The following EPB41L2 variants were observed in gnomAD, a reference collection of about 807,000 sequenced individuals.
The protein encoded by EPB41L2 is erythrocyte membrane protein band 4.1 like 2.
Under a neutral mutation model 113.0 loss-of-function variants are expected in EPB41L2, and 43 were observed. That is an observed-to-expected ratio of 0.38 (90% CI 0.30 to 0.49). The LOEUF (loss-of-function observed/expected upper bound fraction) is 0.49, where lower values mean the gene tolerates loss of function less well. EPB41L2 is among the 20% of genes least tolerant of loss of function. The pLI, the probability that EPB41L2 is intolerant of heterozygous loss-of-function variation, is 0.95. For synonymous variants in EPB41L2, 442 were observed against 436.7 expected, an observed-to-expected ratio of 1.01 and a Z score of -0.15; for missense variants, 1,147 against 1,223.4, an observed-to-expected ratio of 0.94 and a Z score of 0.93.
rs775037017 is a variant in EPB41L2, at chr6:130,878,230, C to T, written c.1917G>A (p.Glu639=). 1.2e-6 allele frequency: 2 copies of T among 1,611,884 alleles called. No homozygotes were observed. The highest frequency in any genetic ancestry group is 1.3e-5 in the African/African-American group (1 of 74,716). ...TGCTAGCCTGATGTTTCAGTATGTC[C>T]TCCTGGGCCTTATCCAGTTCCTAGC... ...LMLEELDKAQ[E]DILKHQASIS... Residue 639 remains glutamate, a synonymous_variant, in exon 14 of 20, where the codon GAG becomes GAA. Coordinates refer to ENST00000337057, the MANE Select transcript of EPB41L2 (RefSeq NM_001431.4).
At chr6:130,988,559 G>T (rs1781103224) in intron 1 of EPB41L2, among the ~76,000 whole-genome samples, 1 of 152,114 alleles carries the variant, frequency 6.6e-6, no homozygotes. Flanking sequence ...TGGCGGGGGA[G>T]ACTACAGCAG....
chr6:130,999,378 C>G (rs904197311), intron 1 of EPB41L2, among the ~76,000 whole-genome samples: 2 of 152,158 alleles, frequency 1.3e-5, no homozygotes, highest in African/African-American at 4.8e-5. Flanking sequence ...TCCAGCATGC[C>G]TAAGTTTTCA....
intron 1 of EPB41L2, among the ~76,000 whole-genome samples, chr6:130,980,728 G>A (rs1779217547): frequency 6.6e-6 from 1 of 152,174 alleles, no homozygotes; most frequent in South Asian, 2.1e-4. Flanking sequence ...CGGGGCAGTT[G>A]TTTAAAAAGG....
At chr6:130,960,127 T>C (rs767906242) in intron 1 of EPB41L2, among the ~76,000 whole-genome samples, 2 of 152,168 alleles carry the variant, frequency 1.3e-5, no homozygotes, top group Admixed American at 1.3e-4. Flanking sequence ...TAGTCACTTA[T>C]CCAAAGCCAC....
At chr6:130,967,493 C>A (rs1432957949) in intron 1 of EPB41L2, among the ~76,000 whole-genome samples, 1 of 152,120 alleles carries the variant, frequency 6.6e-6, no homozygotes, top group Non-Finnish European at 1.5e-5. Context: ...TATTCGTATT[C>A]TCTGCTGGAG....
At chr6:131,060,587 A>C (rs1458151074) in intron 1 of EPB41L2, among the ~76,000 whole-genome samples, 2 of 152,194 alleles carry the variant, frequency 1.3e-5, no homozygotes, top group African/African-American at 4.8e-5. Context: ...ATGTTACGTT[A>C]AGAAGCCAAG....
chr6:130,896,693 G>A (rs966440968), intron 8 of EPB41L2, among the ~76,000 whole-genome samples: 1 of 152,306 alleles, frequency 6.6e-6, no homozygotes, highest in Admixed American at 6.5e-5. Context: ...CAGATGAAGG[G>A]TAGGAAGTGA....
rs549861423 is a variant in EPB41L2, at chr6:130,947,226, A to G, written c.705+7879T>C. On this transcript the variant is annotated intron_variant, in intron 3 of 19. Transcript: ENST00000337057. ...CTTTTAGAACCTCACCCTACTCTCT[A>G]TAAGATCCCTGTAAGCCAAGCTATC... 7.2e-5 allele frequency among the ~76,000 whole-genome samples: 11 copies of G among 152,186 alleles called. No homozygotes were observed. In the East Asian group the frequency reaches 1.5e-3, roughly 21 times the overall value.
chr6:130,987,358 A>T (rs931812814), intron 1 of EPB41L2, among the ~76,000 whole-genome samples: 3 of 152,120 alleles, frequency 2.0e-5, no homozygotes, highest in African/African-American at 7.2e-5. Context: ...GTGGGTTCCA[A>T]TCTCCTGGGC....
chr6:130,951,312 C>CTTTTTTTTTTTT (rs34082234), intron 3 of EPB41L2, among the ~76,000 whole-genome samples: 1 of 50,818 alleles, frequency 2.0e-5, no homozygotes, highest in African/African-American at 1.3e-4. Flanking sequence ...AGCCTCAGTA[C>CTTTTTTTTTTTT]TTTTTTTTTT....
intron 3 of EPB41L2, among the ~76,000 whole-genome samples, chr6:130,949,254 A>G (rs1813979112): frequency 6.6e-6 from 1 of 152,216 alleles, no homozygotes; most frequent in Non-Finnish European, 1.5e-5. Context: ...ACACAAATGC[A>G]CACACTTTTG....
chr6:130,881,845 T>C (rs562903582), intron 12 of EPB41L2: 16 of 152,222 alleles, frequency 1.1e-4, no homozygotes, highest in African/African-American at 3.1e-4. Context: ...CCTTATAAAA[T>C]ACCCTATAGT....
Position 130,946,715 on chromosome 6 carries a change from T to C in EPB41L2, c.705+8390A>G, listed in dbSNP as rs576949866. Among the ~76,000 whole-genome samples the C allele has an allele frequency of 3.3e-5, 5 of 152,218 alleles. No individual in the cohort carries two copies. The East Asian group carries it at 5.8e-4, about 18-fold the overall frequency. On this transcript the variant is annotated intron_variant, in intron 3 of 19. Coordinates refer to ENST00000337057, the MANE Select transcript of EPB41L2 (RefSeq NM_001431.4). ...ATAAATATATAACAACATGTTAATA[T>C]AGATTATACAGAATATATTAATTAT...
At chr6:130,976,754 C>T (rs78024431) in intron 1 of EPB41L2, among the ~76,000 whole-genome samples, 2,206 of 152,288 alleles carry the variant, frequency 0.014, 49 homozygotes, top group African/African-American at 0.049. Flanking sequence ...TTAAATTACA[C>T]AATCAGACAA....
At chr6:130,994,009 T>G (rs1435814105) in intron 1 of EPB41L2, among the ~76,000 whole-genome samples, 1 of 152,066 alleles carries the variant, frequency 6.6e-6, no homozygotes, top group Non-Finnish European at 1.5e-5. Context: ...GAATAAAACT[T>G]GGGGTTGGGA....
At position 130,952,211 on chromosome 6, in the gene EPB41L2, A is replaced by G. The variant is rs78789314; in HGVS notation, c.705+2894T>C. ...TTGCTGGTTGAAATGTAAATGGTCA[A>G]TTTTATCAATTTCATTTATTATTTT... is the stretch of plus-strand genomic sequence containing the variant. On this transcript the variant is annotated intron_variant, in intron 3 of 19. Transcript: ENST00000337057. Among the ~76,000 whole-genome samples, 895 of 152,202 alleles carry G rather than the reference A, an allele frequency of 5.9e-3. 9 individuals carry two copies. The highest frequency in any genetic ancestry group is 0.021 in the African/African-American group (862 of 41,552).
At chr6:131,000,551 A>T (rs1355634938) in intron 1 of EPB41L2, 1 of 152,222 alleles carries the variant, frequency 6.6e-6, no homozygotes, top group Non-Finnish European at 1.5e-5. Context: ...GTTTGAGGAG[A>T]ATAACACAGT....
chr6:130,970,808 A>G (rs539092161), intron 1 of EPB41L2, among the ~76,000 whole-genome samples: 2 of 152,274 alleles, frequency 1.3e-5, no homozygotes, highest in South Asian at 2.1e-4. Flanking sequence ...TGACAGTACC[A>G]AACCCAACTC....
At chr6:130,846,953 A>T (rs76018160) in intron 19 of EPB41L2, among the ~76,000 whole-genome samples, 4,224 of 152,302 alleles carry the variant, frequency 0.028, 200 homozygotes, top group African/African-American at 0.097. Context: ...CCCATTACTA[A>T]CTGTCTGAAC....
Sources: gnomAD v4.1 joint callset for allele counts (sites outside exome capture counted in the v4.1 genomes callset) on GRCh38, gnomAD v4.1.1 for gene constraint, MANE v1.5 for transcripts, NCBI Gene and HGNC (gene_info 2026-07-23, HGNC 2026-07-21) for gene names.